Variants in KDM4C observed in about 807,000 individuals in gnomAD.
The protein encoded by KDM4C is lysine-specific demethylase 4C.
Under a neutral mutation model 129.3 loss-of-function variants are expected in KDM4C, and 81 were observed. The observed-to-expected ratio is 0.63, with a 90% CI of 0.52 to 0.75. The LOEUF (loss-of-function observed/expected upper bound fraction) is 0.75, where lower values mean the gene tolerates loss of function less well. Among genes scored for constraint, KDM4C ranks in the 30% least tolerant of loss-of-function variants. KDM4C has a pLI of 0.00. For missense variants in KDM4C, 1,457 were observed against 1,304.0 expected (o/e 1.12, Z -1.81); for synonymous variants, 573 against 456.1 (o/e 1.26, Z -3.26).
intron 4 of KDM4C, among the ~76,000 whole-genome samples, chr9:6,824,157 T>G (rs1432578086): frequency 6.6e-6 from 1 of 152,304 alleles, no homozygotes; most frequent in East Asian, 1.9e-4. Flanking sequence ...TAGCAAATAG[T>G]TGGAAAATGA....
intron 4 of KDM4C, among the ~76,000 whole-genome samples, chr9:6,842,169 C>T (rs1280142275): frequency 6.6e-6 from 1 of 152,146 alleles, no homozygotes; most frequent in African/African-American, 2.4e-5. Context: ...AGCTCACAAC[C>T]ACTAACTTCA....
chr9:7,096,705 A>C (rs1011389020), intron 17 of KDM4C, among the ~76,000 whole-genome samples: 13 of 152,110 alleles, frequency 8.5e-5, no homozygotes, highest in Admixed American at 6.5e-5. Flanking sequence ...CCAACTGTAA[A>C]GGAGCAAAAG....
At chr9:6,804,505 A>G (rs1385398449) in intron 2 of KDM4C, among the ~76,000 whole-genome samples, 4 of 152,198 alleles carry the variant, frequency 2.6e-5, no homozygotes, top group African/African-American at 9.7e-5. Context: ...CACGCCTGTA[A>G]TCCCAACAAT....
intron 4 of KDM4C, among the ~76,000 whole-genome samples, chr9:6,823,531 T>A (rs1833381328): frequency 6.6e-6 from 1 of 152,196 alleles, no homozygotes; most frequent in African/African-American, 2.4e-5. Flanking sequence ...TTCTGCTATC[T>A]CACACTGTTG....
intron 17 of KDM4C, among the ~76,000 whole-genome samples, chr9:7,080,816 T>C (rs1413651297): frequency 6.6e-6 from 1 of 152,228 alleles, no homozygotes; most frequent in Non-Finnish European, 1.5e-5. Flanking sequence ...AACTTTAACA[T>C]TCAAGGCGCG....
chr9:6,895,786 C>G (rs1279861488), intron 8 of KDM4C, among the ~76,000 whole-genome samples: 1 of 151,964 alleles, frequency 6.6e-6, no homozygotes, highest in East Asian at 1.9e-4. Flanking sequence ...AGTTATGTAA[C>G]CAATTTTAGT....
intron 15 of KDM4C, among the ~76,000 whole-genome samples, chr9:7,026,120 G>A (rs183330045): frequency 1.8e-4 from 28 of 151,820 alleles, no homozygotes; most frequent in South Asian, 1.0e-3. Flanking sequence ...GCAGGAGATC[G>A]CTTGAACCCG....
chr9:6,864,275 G>C lies in KDM4C; in HGVS notation c.629+14575G>C, dbSNP rs566557776. On this transcript the variant is annotated intron_variant, in intron 5 of 21. Transcript: ENST00000381309. ...TTGAAGGACAGCTTTGCTGGTTTCAGTATTCTTGGATGACAATCCCCATTT... is the reference window on the plus strand; with the variant it reads ...TTGAAGGACAGCTTTGCTGGTTTCACTATTCTTGGATGACAATCCCCATTT... Among the ~76,000 whole-genome samples the C allele has an allele frequency of 2.0e-5, 3 of 152,262 alleles. No individual in the cohort carries two copies. In the South Asian group the frequency reaches 6.2e-4, roughly 32 times the overall value.
At chr9:7,166,141 C>T (rs906912811) in intron 20 of KDM4C, among the ~76,000 whole-genome samples, 3 of 151,992 alleles carry the variant, frequency 2.0e-5, no homozygotes, top group Admixed American at 6.6e-5. Flanking sequence ...GATTCTCAGG[C>T]TAAACTGTAG....
chr9:6,890,501 G>A (rs1427662445), intron 7 of KDM4C, among the ~76,000 whole-genome samples: 3 of 152,108 alleles, frequency 2.0e-5, no homozygotes, highest in African/African-American at 7.2e-5. Flanking sequence ...ATAAACAGCT[G>A]ATGTCTGCAT....
chr9:6,748,639 G>A, intron 1 of KDM4C: 1 of 866,542 alleles, frequency 1.2e-6, no homozygotes, highest in Non-Finnish European at 1.9e-6. Context: ...TGTTCATATT[G>A]GACAAAGGAC....
intron 8 of KDM4C, among the ~76,000 whole-genome samples, chr9:6,932,811 C>A (rs987052606): frequency 1.3e-5 from 2 of 152,146 alleles, no homozygotes; most frequent in African/African-American, 4.8e-5. Context: ...CGGCCTCTGC[C>A]AAGGGTACTG....
At chr9:6,963,960 C>A (rs540694925) in intron 8 of KDM4C, among the ~76,000 whole-genome samples, 1 of 152,316 alleles carries the variant, frequency 6.6e-6, no homozygotes, top group Non-Finnish European at 1.5e-5. Flanking sequence ...GGTTAGAAAG[C>A]AGCTTCATTT....
intron 5 of KDM4C, among the ~76,000 whole-genome samples, chr9:6,877,699 C>T (rs748131398): frequency 3.6e-4 from 55 of 152,144 alleles, no homozygotes; most frequent in Non-Finnish European, 6.2e-4. Flanking sequence ...TGGGGTAGTG[C>T]TCTGATTTTA....
chr9:6,970,215 A>T (rs554022614), intron 8 of KDM4C, among the ~76,000 whole-genome samples: 2 of 152,224 alleles, frequency 1.3e-5, no homozygotes, highest in Non-Finnish European at 2.9e-5. Context: ...AAAATTTTTT[A>T]AAAAGATTAA....
intron 15 of KDM4C, among the ~76,000 whole-genome samples, chr9:7,029,328 G>A (rs952828023): frequency 7.4e-6 from 1 of 135,042 alleles, no homozygotes. Flanking sequence ...ACTGAAAATT[G>A]TTAAGGCTAA....
intron 5 of KDM4C, among the ~76,000 whole-genome samples, chr9:6,854,373 A>G (rs528197701): frequency 6.6e-6 from 1 of 151,986 alleles, no homozygotes; most frequent in African/African-American, 2.4e-5. Context: ...TAAAAATACA[A>G]AATTAGCCGG....
chr9:6,777,192 CT>C (rs1282721691), intron 1 of KDM4C, among the ~76,000 whole-genome samples: 2 of 152,142 alleles, frequency 1.3e-5, no homozygotes, highest in Non-Finnish European at 2.9e-5. Context: ...GGGAAGAATT[CT>C]TTTTATTAAT....
At chr9:7,101,678 C>G (rs1443684066) in intron 17 of KDM4C, among the ~76,000 whole-genome samples, 1 of 152,160 alleles carries the variant, frequency 6.6e-6, no homozygotes, top group Non-Finnish European at 1.5e-5. Flanking sequence ...CTTCTTACGC[C>G]TTTTTAGTGA....
Sources: gnomAD v4.1 joint callset for allele counts (sites outside exome capture counted in the v4.1 genomes callset) on GRCh38, gnomAD v4.1.1 for gene constraint, MANE v1.5 for transcripts, NCBI Gene and HGNC (gene_info 2026-07-23, HGNC 2026-07-21) for gene names.